TMEM201: variants seen among roughly 807,000 people sequenced by gnomAD.
The protein encoded by TMEM201 is RP13-15M17.2.
TMEM201 carries 26 observed loss-of-function variants against 63.4 expected under a neutral mutation model. That is an observed-to-expected ratio of 0.41 (90% CI 0.30 to 0.57). The LOEUF (loss-of-function observed/expected upper bound fraction) is 0.57. TMEM201 is among the 20% of genes least tolerant of loss of function. The pLI, the probability that TMEM201 is intolerant of heterozygous loss-of-function variation, is 0.29. For missense variants in TMEM201, 794 were observed against 917.7 expected (o/e 0.87, Z 1.74); for synonymous variants, 417 against 421.6 (o/e 0.99, Z 0.14).
chr1:9,609,746 C>A lies in TMEM201; in HGVS notation c.1394-94C>A, dbSNP rs1254397872. ...TCCATGAAAGCACATTTGTAAAGAG[C>A]AAAGGCTGGATTGGGATTTCGGCAG... On this transcript the variant is annotated intron_variant, in intron 7 of 10. Coordinates refer to ENST00000340381, the MANE Select transcript of TMEM201 (RefSeq NM_001130924.3). 6.3e-6 allele frequency: 8 copies of A among 1,262,118 alleles called. No homozygotes were observed. In the African/African-American group the frequency reaches 8.9e-5, roughly 14 times the overall value. The allele number at this position is 1,262,118 out of a possible 1,614,324, so 78.2% of individuals were successfully genotyped here. A position where few individuals can be genotyped will look rare whatever the true frequency, so the allele number is the denominator to read the frequency against.
In TMEM201 at chr1:9,603,440, T is replaced by C; in HGVS notation, c.1160+1168T>C. ...TTTATCCAGGGGTCCCAGTCGAGAG[T>C]GGCCCGAGGCCGTCCCTCACCGGGC... On this transcript the variant is annotated intron_variant, in intron 6 of 10. Coordinates refer to ENST00000340381, the MANE Select transcript of TMEM201 (RefSeq NM_001130924.3). This position sits in a 1 kb window ranked among gnomAD's most constrained non-coding sequence, Gnocchi z 4.5. 2 of 985,346 alleles carry C rather than the reference T, an allele frequency of 2.0e-6. No homozygotes were observed. Among genetic ancestry groups the C allele is most frequent in the Non-Finnish European group, 2.4e-6 (2 of 829,920 alleles). The allele number at this position is 985,346 out of a possible 1,614,324, so 61.0% of individuals were successfully genotyped here.
At chr1:9,595,069 G>C (rs975054286) in intron 1 of TMEM201, among the ~76,000 whole-genome samples, 1 of 152,214 alleles carries the variant, frequency 6.6e-6, no homozygotes, top group African/African-American at 2.4e-5. Context: ...CACAGCTGCT[G>C]CCTGTCACCC....
intron 2 of TMEM201, among the ~76,000 whole-genome samples, chr1:9,596,556 T>C (rs1644023701): frequency 6.6e-6 from 1 of 152,184 alleles, no homozygotes; most frequent in Non-Finnish European, 1.5e-5. Flanking sequence ...GTTTGCAGAC[T>C]GAGTTCCGAG....
In TMEM201 at chr1:9,607,290, G is replaced by A. The variant is rs184561590; in HGVS notation, c.1161-267G>A. Among the ~76,000 whole-genome samples, 10 of 152,094 alleles carry A rather than the reference G, an allele frequency of 6.6e-5. No homozygotes were observed. The highest frequency in any genetic ancestry group is 5.8e-4 in the East Asian group (3 of 5,170). On this transcript the variant is annotated intron_variant, in intron 6 of 10. Coordinates refer to ENST00000340381, the MANE Select transcript of TMEM201 (RefSeq NM_001130924.3). The surrounding 1 kb of genome is among the most constrained non-coding windows in gnomAD (Gnocchi z 5.4). ...CAGTGTCACTTTAATACCGAGACTC[G>A]TAGTGGAGATAGTTTGCTGTGAGCC...
At chr1:9,598,106 C>T (rs1421756604) in intron 3 of TMEM201, among the ~76,000 whole-genome samples, 3 of 152,224 alleles carry the variant, frequency 2.0e-5, no homozygotes. Flanking sequence ...CCGCAGCCAC[C>T]TTCCCCCATG....
chr1:9,593,915 A>G (rs1643965113), intron 1 of TMEM201, among the ~76,000 whole-genome samples: 1 of 152,232 alleles, frequency 6.6e-6, no homozygotes, highest in Non-Finnish European at 1.5e-5. Flanking sequence ...ACAGCTAGTA[A>G]TTAGCACAGG....
intron 6 of TMEM201, chr1:9,606,186 G>A (rs1292789879): frequency 6.6e-6 from 1 of 152,216 alleles, no homozygotes; most frequent in African/African-American, 2.4e-5. Context: ...CTGTGTAGAG[G>A]TGGAGCCTTC....
intron 2 of TMEM201, among the ~76,000 whole-genome samples, chr1:9,596,528 C>T (rs1308821239): frequency 6.6e-6 from 1 of 152,186 alleles, no homozygotes; most frequent in African/African-American, 2.4e-5. Context: ...AGTGTGCTGT[C>T]CCCTGGACTA....
rs556343395 is a variant in TMEM201 at position 9,594,059 on chromosome 1, C to G, written c.114-1831C>G. Among the ~76,000 whole-genome samples the G allele has an allele frequency of 1.4e-4, 22 of 152,322 alleles. No individual in the cohort carries two copies. The South Asian group carries it at 3.3e-3, about 23-fold the overall frequency. On this transcript the variant is annotated intron_variant, in intron 1 of 10. Coordinates refer to ENST00000340381, the MANE Select transcript of TMEM201 (RefSeq NM_001130924.3). ...GCGCCCGGTGGCGCTGTCCTAATGC[C>G]GAGCACTGAGCGCCTCCCTGCATTC...
rs1177436147 is a variant in TMEM201 at position 9,604,424 on chromosome 1, CT to C, written c.1160+2154del. On this transcript the variant is annotated intron_variant, in intron 6 of 10. Transcript: ENST00000340381. The surrounding 1 kb of genome is among the most constrained non-coding windows in gnomAD (Gnocchi z 4.1). ...GACTTTTTAAATTATTCATGTGTCCCTTAAAAGTTTCACTACGTGGAGAAAA... is the reference window on the plus strand; with the variant it reads ...GACTTTTTAAATTATTCATGTGTCCCTAAAAGTTTCACTACGTGGAGAAAA... 44 of 985,264 alleles carry C rather than the reference CT, an allele frequency of 4.5e-5. No individual in the cohort carries two copies. Among genetic ancestry groups the C allele is most frequent in the Non-Finnish European group, 5.2e-5 (43 of 829,938 alleles). The allele number at this position is 985,264 out of a possible 1,614,324, so 61.0% of individuals were successfully genotyped here.
chr1:9,611,927 C>T, intron 10 of TMEM201, 37 bp downstream of exon 10: 2 of 1,505,764 alleles, frequency 1.3e-6, no homozygotes, highest in Admixed American at 2.3e-5. Flanking sequence ...AGGGGGTGGG[C>T]ACACATCCGA....
Position 9,604,873 on chromosome 1 carries a change from G to A in TMEM201, c.1160+2601G>A. ...ATTGTCTAGTGACCCTCTCATCACTGTAACCATCGCGCCTGGCCTAGATGT... is the reference window on the plus strand; with the variant it reads ...ATTGTCTAGTGACCCTCTCATCACTATAACCATCGCGCCTGGCCTAGATGT... On this transcript the variant is annotated intron_variant, in intron 6 of 10. Coordinates refer to ENST00000340381, the MANE Select transcript of TMEM201 (RefSeq NM_001130924.3). The surrounding 1 kb of genome is among the most constrained non-coding windows in gnomAD (Gnocchi z 4.1). 1.0e-6 allele frequency: 1 copy of A among 985,946 alleles called. No individual in the cohort carries two copies. Among genetic ancestry groups the A allele is most frequent in the Non-Finnish European group, 1.2e-6 (1 of 829,994 alleles). 61.1% of individuals were successfully genotyped at this position (985,946 alleles called of 1,614,324 possible).
In TMEM201 at chr1:9,611,817, C is replaced by T; in HGVS notation, c.1830C>T (p.Asp610=). The T allele has an allele frequency of 2.6e-6, 4 of 1,551,066 alleles. No homozygotes were observed. The highest frequency in any genetic ancestry group is 3.5e-6 in the Non-Finnish European group (4 of 1,147,012). The change falls in exon 10 of 11, where the codon GAC becomes GAT. Residue 610 remains aspartate (D), a synonymous_variant. Transcript: ENST00000340381. ...ACCGCTCCATCAAGAAAGAGGACGACTCTTCCCAGTCATCTACCTGTGTGG... is the reference window on the plus strand; with the variant it reads ...ACCGCTCCATCAAGAAAGAGGACGATTCTTCCCAGTCATCTACCTGTGTGG... The part of the protein sequence containing the change: ...CSNRSIKKED[D]SSQSSTCVVD...
chr1:9,600,848 A>G (rs1177985036), intron 4 of TMEM201, among the ~76,000 whole-genome samples: 1 of 152,176 alleles, frequency 6.6e-6, no homozygotes, highest in African/African-American at 2.4e-5. Context: ...TAAACCCAGG[A>G]GGAAGAGGTT....
intron 10 of TMEM201, among the ~76,000 whole-genome samples, chr1:9,612,214 TAGGC>T (rs1004252795): frequency 2.0e-5 from 3 of 152,178 alleles, no homozygotes; most frequent in Admixed American, 1.3e-4. Flanking sequence ...AAGTGCTCAG[TAGGC>T]ACCTGTGGCC....
Position 9,613,205 on chromosome 1 carries a change from CTGGACTGTGACTGTCCTCAG to C in TMEM201, c.*123_*142del, listed in dbSNP as rs1201963800. 4.4e-6 allele frequency: 4 copies of C among 905,066 alleles called. No individual in the cohort carries two copies. The highest frequency in any genetic ancestry group is 2.2e-5 in the Admixed American group (1 of 46,478). The allele number at this position is 905,066 out of a possible 1,614,324, so 56.1% of individuals were successfully genotyped here. A position where few individuals can be genotyped will look rare whatever the true frequency, so the allele number is the denominator to read the frequency against. ...CCTCATCTCCAGGGCCTTGACCTCA[CTGGACTGTGACTGTCCTCAG>C]GACACCTGCCCCTCCTCACCTAACG... On this transcript the variant is annotated 3_prime_UTR_variant, in exon 11 of 11. Coordinates refer to ENST00000340381, the MANE Select transcript of TMEM201 (RefSeq NM_001130924.3).
intron 1 of TMEM201, among the ~76,000 whole-genome samples, chr1:9,589,917 G>A (rs1643891957): frequency 6.6e-6 from 1 of 152,226 alleles, no homozygotes; most frequent in South Asian, 2.1e-4. Context: ...AGGGGAGAAG[G>A]GACTTGCCCA....
rs927529790 is a variant in TMEM201 at position 9,613,211 on chromosome 1, T to C, written c.*128T>C. 3.7e-5 allele frequency: 31 copies of C among 843,382 alleles called. No homozygotes were observed. Among genetic ancestry groups the C allele is most frequent in the Admixed American group, 1.8e-4 (8 of 45,058 alleles). The allele number at this position is 843,382 out of a possible 1,614,324, so 52.2% of individuals were successfully genotyped here. A position where few individuals can be genotyped will look rare whatever the true frequency, so the allele number is the denominator to read the frequency against. Reference sequence around the variant, plus strand: ...CTCCAGGGCCTTGACCTCACTGGACTGTGACTGTCCTCAGGACACCTGCCC... The same window carrying C: ...CTCCAGGGCCTTGACCTCACTGGACCGTGACTGTCCTCAGGACACCTGCCC... On this transcript the variant is annotated 3_prime_UTR_variant, in exon 11 of 11. Transcript: ENST00000340381.
rs1644013234 is a variant in TMEM201 at position 9,596,036 on chromosome 1, G to A, written c.234+26G>A. On this transcript the variant is annotated intron_variant, in intron 2 of 10. Transcript: ENST00000340381. Reference sequence around the variant, plus strand: ...GTGTGGGTCACAGGCAGGCGGACGGGTGGGCACGCGGGGGTGGGGATCTTG... The same window carrying A: ...GTGTGGGTCACAGGCAGGCGGACGGATGGGCACGCGGGGGTGGGGATCTTG... 6 of 1,607,958 alleles carry A rather than the reference G, an allele frequency of 3.7e-6. No homozygotes were observed. In the South Asian group the frequency reaches 6.6e-5, roughly 18 times the overall value.
Sources: allele counts gnomAD v4.1 joint callset (sites outside exome capture counted in the v4.1 genomes callset), GRCh38; gene constraint gnomAD v4.1.1; non-coding constraint Gnocchi (gnomAD v3.1); transcripts MANE v1.5; gene names NCBI Gene and HGNC (gene_info 2026-07-23, HGNC 2026-07-21).